GSK3B: variants seen among roughly 807,000 people sequenced by gnomAD.
GSK3B encodes the protein glycogen synthase kinase-3 beta.
A neutral mutation model predicts 56.4 loss-of-function variants in GSK3B; 15 were observed. The ratio of observed to expected loss-of-function variants is 0.27; its 90% CI spans 0.18 to 0.41. The LOEUF (loss-of-function observed/expected upper bound fraction) is 0.41, where lower values mean the gene tolerates loss of function less well. GSK3B is among the 10% of genes least tolerant of loss of function. GSK3B has a pLI of 1.00. For synonymous variants in GSK3B, 181 were observed against 188.9 expected (o/e 0.96, Z 0.34); for missense variants, 300 against 513.4 (o/e 0.58, Z 4.02).
At chr3:119,871,342 G>A (rs967582512) in intron 8 of GSK3B, among the ~76,000 whole-genome samples, 6 of 152,150 alleles carry the variant, frequency 3.9e-5, no homozygotes, top group Admixed American at 2.6e-4. Context: ...TGTGAATAAT[G>A]CTTTCTGGGA....
At chr3:120,060,296 C>A (rs182833828) in intron 1 of GSK3B, among the ~76,000 whole-genome samples, 1 of 152,018 alleles carries the variant, frequency 6.6e-6, no homozygotes, top group African/African-American at 2.4e-5. Flanking sequence ...TAAAAGAAGG[C>A]CTAAGAAAAA....
At chr3:120,002,277 G>C (rs199787768) in intron 1 of GSK3B, 38 bp from the exon 2 acceptor site, 1 of 1,283,608 alleles carries the variant, frequency 7.8e-7, no homozygotes, top group East Asian at 2.6e-5. Flanking sequence ...CACGAGAACT[G>C]TAAGGAATTA....
At chr3:120,084,098 G>T (rs1439966618) in intron 1 of GSK3B, among the ~76,000 whole-genome samples, 1 of 152,140 alleles carries the variant, frequency 6.6e-6, no homozygotes, top group African/African-American at 2.4e-5. Context: ...ATGAAAAAAT[G>T]AATGTTACGG....
At chr3:119,881,831 T>C (rs1206699326) in intron 7 of GSK3B, among the ~76,000 whole-genome samples, 7 of 152,150 alleles carry the variant, frequency 4.6e-5, no homozygotes, top group Non-Finnish European at 1.0e-4. Flanking sequence ...ACGGCAGTAG[T>C]TTGTCCCATG....
chr3:120,072,348 A>G (rs1207102821), intron 1 of GSK3B, among the ~76,000 whole-genome samples: 1 of 152,132 alleles, frequency 6.6e-6, no homozygotes, highest in Non-Finnish European at 1.5e-5. Context: ...ACTTGAAGTC[A>G]GGAGTTCAAG....
chr3:119,866,605 GAA>G, intron 8 of GSK3B: 1 of 1,604,150 alleles, frequency 6.2e-7, no homozygotes, highest in Non-Finnish European at 8.5e-7. Context: ...CTCCTGAGGT[GAA>G]ATGTCCTGTT....
At chr3:119,906,803 GAGA>G (rs1333482258) in intron 6 of GSK3B, among the ~76,000 whole-genome samples, 3 of 152,212 alleles carry the variant, frequency 2.0e-5, no homozygotes, top group African/African-American at 4.8e-5. Flanking sequence ...AGTACGGAAG[GAGA>G]AGAAGGAACA....
intron 1 of GSK3B, among the ~76,000 whole-genome samples, chr3:120,006,301 A>G (rs2057727119): frequency 6.6e-6 from 1 of 152,208 alleles, no homozygotes; most frequent in Non-Finnish European, 1.5e-5. Context: ...TGAGACTCCC[A>G]CACAATAATA....
At chr3:120,084,338 T>G (rs1303155341) in intron 1 of GSK3B, among the ~76,000 whole-genome samples, 1 of 152,094 alleles carries the variant, frequency 6.6e-6, no homozygotes, top group Non-Finnish European at 1.5e-5. Context: ...AAAAAATTAA[T>G]TTTAAGAAAT....
In GSK3B at chr3:119,847,525, A is replaced by G. The variant is rs558940366; in HGVS notation, c.1097-4172T>C. Among the ~76,000 whole-genome samples, 145 of 151,398 alleles carry G rather than the reference A, an allele frequency of 9.6e-4. 1 individual carries two copies. The highest frequency in any genetic ancestry group is 3.4e-3 in the African/African-American group (141 of 41,342). On this transcript the variant is annotated intron_variant, in intron 9 of 10. Transcript: ENST00000264235. ...ACAAACCCTACCAGTTTAACAGGGG[A>G]AAAAAAAACCCACATGACAAACCTA...
intron 1 of GSK3B, among the ~76,000 whole-genome samples, chr3:120,039,773 T>C (rs548568525): frequency 2.5e-4 from 38 of 152,376 alleles, no homozygotes; most frequent in African/African-American, 9.1e-4. Context: ...TTCTCTCCTG[T>C]GCTCCCTGTG....
At chr3:119,860,657 C>T (rs2056090100) in intron 9 of GSK3B, among the ~76,000 whole-genome samples, 1 of 152,134 alleles carries the variant, frequency 6.6e-6, no homozygotes, top group South Asian at 2.1e-4. Flanking sequence ...CTATATTTTA[C>T]TCAAGTGTTT....
intron 7 of GSK3B, among the ~76,000 whole-genome samples, chr3:119,885,116 T>G (rs2056421264): frequency 6.6e-6 from 1 of 152,022 alleles, no homozygotes; most frequent in Admixed American, 6.6e-5. Context: ...TGCCAAAAGG[T>G]TCCTGGAACT....
chr3:120,066,545 A>G (rs1245663067), intron 1 of GSK3B, among the ~76,000 whole-genome samples: 3 of 152,220 alleles, frequency 2.0e-5, no homozygotes, highest in Non-Finnish European at 2.9e-5. Context: ...ATGCTAAAGA[A>G]TCAAGACTTA....
At chr3:120,072,698 AT>A (rs932137703) in intron 1 of GSK3B, among the ~76,000 whole-genome samples, 2 of 152,210 alleles carry the variant, frequency 1.3e-5, no homozygotes, top group African/African-American at 4.8e-5. Context: ...AAAGTTTTCA[AT>A]TTCTGGCTTA....
intron 2 of GSK3B, among the ~76,000 whole-genome samples, chr3:119,984,861 C>T (rs1042684916): frequency 5.3e-5 from 8 of 152,136 alleles, no homozygotes; most frequent in African/African-American, 1.7e-4. Flanking sequence ...CATCCTGATA[C>T]CAAAACCTGG....
chr3:119,878,904 ATAG>A (rs1355213802), intron 7 of GSK3B, among the ~76,000 whole-genome samples: 4 of 152,232 alleles, frequency 2.6e-5, no homozygotes, highest in Non-Finnish European at 4.4e-5. Context: ...CAGAAGATCT[ATAG>A]TTTTGAGAAG....
chr3:120,011,616 T>C (rs1418327072), intron 1 of GSK3B, among the ~76,000 whole-genome samples: 1 of 152,178 alleles, frequency 6.6e-6, no homozygotes, highest in Non-Finnish European at 1.5e-5. Context: ...ACAAGGTACT[T>C]ACTACCTTAG....
intron 10 of GSK3B, among the ~76,000 whole-genome samples, chr3:119,832,106 G>A (rs1473298867): frequency 6.6e-6 from 1 of 152,246 alleles, no homozygotes; most frequent in East Asian, 1.9e-4. Flanking sequence ...TCCAAGGCTA[G>A]GACATAAAAG....
Sources: gnomAD v4.1 joint callset for allele counts (sites outside exome capture counted in the v4.1 genomes callset) on GRCh38, gnomAD v4.1.1 for gene constraint, MANE v1.5 for transcripts, NCBI Gene and HGNC (gene_info 2026-07-23, HGNC 2026-07-21) for gene names.